BICC1: variants seen among roughly 807,000 people sequenced by gnomAD.
BICC1 encodes protein bicaudal C homolog 1.
Under a neutral mutation model 111.0 loss-of-function variants are expected in BICC1, and 43 were observed. That is an observed-to-expected ratio of 0.39 (90% confidence interval 0.30 to 0.50). The LOEUF is 0.50. Ranked by LOEUF, BICC1 falls within the 20% of genes least tolerant of loss-of-function variation. The pLI is 0.88. For missense variants in BICC1, 1,091 were observed against 1,203.2 expected (o/e 0.91, Z 1.38); for synonymous variants, 467 against 434.4 (o/e 1.07, Z -0.93).
At chr10:58,562,482 T>C (rs1843634116) in intron 1 of BICC1, among the ~76,000 whole-genome samples, 1 of 152,080 alleles carries the variant, frequency 6.6e-6, no homozygotes. Flanking sequence ...TTTTTATATC[T>C]ATTTGTGTTG....
chr10:58,560,020 ATTC>A (rs925554359), intron 1 of BICC1, among the ~76,000 whole-genome samples: 4 of 149,524 alleles, frequency 2.7e-5, no homozygotes, highest in East Asian at 2.0e-4. Flanking sequence ...GGCTTGCAGT[ATTC>A]TTTTTTTTTT....
intron 1 of BICC1, among the ~76,000 whole-genome samples, chr10:58,598,009 A>G (rs972775805): frequency 1.3e-5 from 2 of 152,176 alleles, no homozygotes; most frequent in African/African-American, 2.4e-5. Flanking sequence ...GCATATGAAG[A>G]TAACAGGATT....
chr10:58,654,187 G>A (rs1476457404), intron 2 of BICC1, among the ~76,000 whole-genome samples: 2 of 125,494 alleles, frequency 1.6e-5, no homozygotes, highest in African/African-American at 3.0e-5. Flanking sequence ...AGTCCTTTGG[G>A]TATATACCCA....
chr10:58,595,507 C>T (rs541795006), intron 1 of BICC1, among the ~76,000 whole-genome samples: 3 of 152,230 alleles, frequency 2.0e-5, no homozygotes, highest in African/African-American at 7.2e-5. Flanking sequence ...GAAATCATAA[C>T]GAACAGTCTC....
intron 2 of BICC1, among the ~76,000 whole-genome samples, chr10:58,634,012 T>C (rs1177649078): frequency 7.1e-4 from 67 of 94,926 alleles, no homozygotes; most frequent in African/African-American, 2.5e-3. Context: ...TTTTTTTTTT[T>C]AGATGGAGTT....
intron 3 of BICC1, among the ~76,000 whole-genome samples, chr10:58,762,256 G>C (rs1219822512): frequency 6.6e-6 from 1 of 152,104 alleles, no homozygotes; most frequent in Non-Finnish European, 1.5e-5. Flanking sequence ...ATGGAAACTT[G>C]AAGAGACAAA....
chr10:58,788,044 C>T (rs1843062602), intron 5 of BICC1, among the ~76,000 whole-genome samples: 1 of 151,908 alleles, frequency 6.6e-6, no homozygotes, highest in Non-Finnish European at 1.5e-5. Context: ...ATGCAAAGAG[C>T]TTAAACAAAA....
chr10:58,542,107 C>T (rs772910728), intron 1 of BICC1, among the ~76,000 whole-genome samples: 4 of 148,066 alleles, frequency 2.7e-5, no homozygotes, highest in Non-Finnish European at 3.0e-5. Context: ...GCTGTGATCA[C>T]GCCACTGCAC....
At chr10:58,689,771 G>A (rs1839858566) in intron 2 of BICC1, among the ~76,000 whole-genome samples, 1 of 152,202 alleles carries the variant, frequency 6.6e-6, no homozygotes, top group African/African-American at 2.4e-5. Context: ...GGTGGTGTAA[G>A]CTGAGTACTG....
At chr10:58,712,573 A>G (rs1327463997) in intron 3 of BICC1, among the ~76,000 whole-genome samples, 2 of 152,244 alleles carry the variant, frequency 1.3e-5, no homozygotes, top group Non-Finnish European at 2.9e-5. Flanking sequence ...TCAATCTTAA[A>G]TGCATTATAC....
At chr10:58,669,489 T>C (rs1839116523) in intron 2 of BICC1, among the ~76,000 whole-genome samples, 2 of 152,116 alleles carry the variant, frequency 1.3e-5, no homozygotes. Context: ...TTAACTAAGC[T>C]TTTAATAAAT....
chr10:58,524,355 T>C lies in BICC1; in HGVS notation c.190+11022T>C, dbSNP rs569268791. Among the ~76,000 whole-genome samples the C allele has an allele frequency of 3.9e-3, 596 of 152,196 alleles. 4 individuals carry two copies. Among genetic ancestry groups the C allele is most frequent in the African/African-American group, 0.014 (563 of 41,540 alleles). On this transcript the variant is annotated intron_variant, in intron 1 of 20. Coordinates refer to ENST00000373886, the MANE Select transcript of BICC1 (RefSeq NM_001080512.3). Reference sequence around the variant, plus strand: ...TGGTACTGATACCAAAACAGAGATATAGATCAATGGAACAGAACAGAGCCC... The same window carrying C: ...TGGTACTGATACCAAAACAGAGATACAGATCAATGGAACAGAACAGAGCCC...
At chr10:58,603,550 G>A (rs1845111659) in intron 1 of BICC1, among the ~76,000 whole-genome samples, 2 of 152,158 alleles carry the variant, frequency 1.3e-5, no homozygotes, top group Admixed American at 6.5e-5. Flanking sequence ...CCACTGTAGA[G>A]CGTAATAGTT....
chr10:58,681,262 C>G (rs1839510291), intron 2 of BICC1, among the ~76,000 whole-genome samples: 1 of 152,154 alleles, frequency 6.6e-6, no homozygotes, highest in Non-Finnish European at 1.5e-5. Context: ...TTTTTGCAAT[C>G]TATCCATCTG....
Position 58,583,584 on chromosome 10 carries a change from C to G in BICC1, c.191-37271C>G, listed in dbSNP as rs552446786. ...TATGGCTGAGTAGTATTCTCTCTCT[C>G]TGTGTGTGTGTGTGTGTGTGTGTGT... On this transcript the variant is annotated intron_variant, in intron 1 of 20. Coordinates refer to ENST00000373886, the MANE Select transcript of BICC1 (RefSeq NM_001080512.3). 4.1e-4 allele frequency among the ~76,000 whole-genome samples: 57 copies of G among 139,434 alleles called. 1 individual carries two copies. Among genetic ancestry groups the G allele is most frequent in the Non-Finnish European group, 5.3e-4 (34 of 64,252 alleles). 91.5% of individuals were successfully genotyped at this position (139,434 alleles called of 152,430 possible). A position where few individuals can be genotyped will look rare whatever the true frequency, so the allele number is the denominator to read the frequency against.
In BICC1 at chr10:58,649,701, C is replaced by T. The variant is rs184375233; in HGVS notation, c.237+28800C>T. 3.7e-3 allele frequency among the ~76,000 whole-genome samples: 559 copies of T among 152,228 alleles called. 4 individuals are homozygous for T. Among genetic ancestry groups the T allele is most frequent in the Middle Eastern group, 0.01 (3 of 294 alleles). The stretch of plus-strand genomic sequence containing the variant: ...TTTGCTTTTTCTTTGATCCCTTTTT[C>T]CTCTGAATAGCTAATCTCTATTGGT... On this transcript the variant is annotated intron_variant, in intron 2 of 20. Transcript: ENST00000373886.
intron 2 of BICC1, among the ~76,000 whole-genome samples, chr10:58,641,581 G>A (rs541065037): frequency 2.0e-5 from 3 of 152,020 alleles, no homozygotes; most frequent in Admixed American, 6.5e-5. Context: ...GGCTATTCGA[G>A]TATTGACTAG....
rs1343103460 is a variant in BICC1, at chr10:58,713,901, T to A, written c.307+11758T>A. Among the ~76,000 whole-genome samples, 9 of 152,372 alleles carry A rather than the reference T, an allele frequency of 5.9e-5. No homozygotes were observed. The South Asian group carries it at 1.9e-3, about 32-fold the overall frequency. ...TTTTGAGATCCATTAAGGATTTTACTGTGATTTATAAACTTTCTTCTGGAA... is the reference window on the plus strand; with the variant it reads ...TTTTGAGATCCATTAAGGATTTTACAGTGATTTATAAACTTTCTTCTGGAA... On this transcript the variant is annotated intron_variant, in intron 3 of 20. Coordinates refer to ENST00000373886, the MANE Select transcript of BICC1 (RefSeq NM_001080512.3).
chr10:58,553,300 T>C (rs1843348578), intron 1 of BICC1, among the ~76,000 whole-genome samples: 1 of 152,132 alleles, frequency 6.6e-6, no homozygotes, highest in African/African-American at 2.4e-5. Context: ...TGCAATCACA[T>C]TGGCAGTAAG....
Sources: gnomAD v4.1 joint callset for allele counts (sites outside exome capture counted in the v4.1 genomes callset) on GRCh38, gnomAD v4.1.1 for gene constraint, MANE v1.5 for transcripts, NCBI Gene and HGNC (gene_info 2026-07-23, HGNC 2026-07-21) for gene names.